NALF1: variants seen among roughly 807,000 people sequenced by gnomAD.
NALF1 encodes family with sequence similarity 155 member A.
A neutral mutation model predicts 48.4 loss-of-function variants in NALF1; 3 were observed. The observed-to-expected ratio is 0.06, with a 90% CI of 0.03 to 0.16. The LOEUF is 0.16. Among genes scored for constraint, NALF1 ranks in the 10% least tolerant of loss-of-function variants. NALF1 has a pLI of 1.00. For missense variants in NALF1, 526 were observed against 571.5 expected, an observed-to-expected ratio of 0.92 and a Z score of 0.81; for synonymous variants, 262 against 245.7, an observed-to-expected ratio of 1.07 and a Z score of -0.62.
chr13:107,424,184 C>T (rs966436967), intron 1 of NALF1, among the ~76,000 whole-genome samples: 4 of 152,192 alleles, frequency 2.6e-5, no homozygotes, highest in South Asian at 4.1e-4. Flanking sequence ...GTTGCCCAGG[C>T]TGAAGTGCAG....
intron 1 of NALF1, among the ~76,000 whole-genome samples, chr13:107,294,486 C>T (rs1306879247): frequency 6.6e-6 from 1 of 152,162 alleles, no homozygotes. Context: ...AACACTGCTA[C>T]AAACAAGAGC....
At chr13:107,827,288 C>T (rs1439936153) in intron 1 of NALF1, among the ~76,000 whole-genome samples, 1 of 152,208 alleles carries the variant, frequency 6.6e-6, no homozygotes, top group Non-Finnish European at 1.5e-5. Flanking sequence ...CTCAACTAAA[C>T]TTGCAGATTT....
chr13:107,367,197 T>C (rs1883167017), intron 1 of NALF1, among the ~76,000 whole-genome samples: 1 of 152,216 alleles, frequency 6.6e-6, no homozygotes, highest in African/African-American at 2.4e-5. Flanking sequence ...ATAACTCTTC[T>C]TACCACACAC....
chr13:107,661,946 C>A (rs1313166149), intron 1 of NALF1, among the ~76,000 whole-genome samples: 2 of 151,916 alleles, frequency 1.3e-5, no homozygotes, highest in Non-Finnish European at 2.9e-5. Flanking sequence ...AAATTTATTT[C>A]TATGGCTAAA....
intron 1 of NALF1, among the ~76,000 whole-genome samples, chr13:107,677,641 T>C (rs1046719146): frequency 7.9e-5 from 12 of 152,218 alleles, no homozygotes; most frequent in African/African-American, 2.9e-4. Flanking sequence ...TGAGAACATG[T>C]AGAGATATAA....
At chr13:107,745,076 T>C (rs1876748311) in intron 1 of NALF1, among the ~76,000 whole-genome samples, 2 of 152,208 alleles carry the variant, frequency 1.3e-5, no homozygotes, top group African/African-American at 2.4e-5. Context: ...CATGATCGAA[T>C]AGATATTCCA....
chr13:107,411,257 T>G (rs1218260033), intron 1 of NALF1, among the ~76,000 whole-genome samples: 1 of 152,012 alleles, frequency 6.6e-6, no homozygotes, highest in African/African-American at 2.4e-5. Context: ...GGGAATGCCT[T>G]GTTGTAATCC....
At chr13:107,556,139 C>T (rs185961075) in intron 1 of NALF1, among the ~76,000 whole-genome samples, 1 of 151,750 alleles carries the variant, frequency 6.6e-6, no homozygotes, top group Non-Finnish European at 1.5e-5. Flanking sequence ...GAGAACCTGA[C>T]CAATTTTATA....
intron 1 of NALF1, among the ~76,000 whole-genome samples, chr13:107,441,464 G>C (rs1444931249): frequency 1.3e-5 from 2 of 152,128 alleles, no homozygotes; most frequent in Non-Finnish European, 2.9e-5. Flanking sequence ...GAGTAATACC[G>C]AAGAAGTGTG....
chr13:107,396,266 G>T (rs1205044025), intron 1 of NALF1, among the ~76,000 whole-genome samples: 2 of 152,150 alleles, frequency 1.3e-5, no homozygotes, highest in African/African-American at 4.8e-5. Context: ...TAGTCAGATT[G>T]GGGGTAAGGG....
chr13:107,846,191 G>C (rs905684807), intron 1 of NALF1, among the ~76,000 whole-genome samples: 1 of 152,088 alleles, frequency 6.6e-6, no homozygotes, highest in Non-Finnish European at 1.5e-5. Flanking sequence ...CAAGCGTCCT[G>C]TATCACTTTT....
intron 1 of NALF1, among the ~76,000 whole-genome samples, chr13:107,350,083 G>A (rs1882845729): frequency 6.6e-6 from 1 of 152,132 alleles, no homozygotes; most frequent in Non-Finnish European, 1.5e-5. Context: ...TGATCTGACG[G>A]GAGGCAGAGC....
Position 107,397,717 on chromosome 13 carries a change from T to C in NALF1, c.916-186962A>G, listed in dbSNP as rs574878266. Among the ~76,000 whole-genome samples, 22 of 152,196 alleles carry C rather than the reference T, an allele frequency of 1.4e-4. No individual in the cohort carries two copies. In the South Asian group the frequency reaches 2.5e-3, roughly 17 times the overall value. On this transcript the variant is annotated intron_variant, in intron 1 of 2. Coordinates refer to ENST00000375915, the MANE Select transcript of NALF1 (RefSeq NM_001080396.3). The stretch of plus-strand genomic sequence containing the variant: ...CACATTTGTCAAGTAGAATAACCTA[T>C]TATAGTTTCCAACGTTATGCCCTAG...
rs556633526 is a variant in NALF1 at position 107,326,790 on chromosome 13, G to A, written c.916-116035C>T. Among the ~76,000 whole-genome samples the A allele has an allele frequency of 9.9e-5, 15 of 152,236 alleles. No individual in the cohort carries two copies. In the South Asian group the frequency reaches 3.1e-3, roughly 32 times the overall value. ...GTGCCCAGGGATAGTGTCTCCACTG[G>A]GCCTTGAGGGTGATCTTAATTAGAG... On this transcript the variant is annotated intron_variant, in intron 1 of 2. Coordinates refer to ENST00000375915, the MANE Select transcript of NALF1 (RefSeq NM_001080396.3).
At position 107,168,219 on chromosome 13, in the gene NALF1, A is replaced by T. The variant is rs1255254580; in HGVS notation, c.*2278T>A. Reference sequence around the variant, plus strand: ...GTCATCTGAATAAAATCACCCTGTGAGCTCTTCCTCAGGAATCACTTGCAG... The same window carrying T: ...GTCATCTGAATAAAATCACCCTGTGTGCTCTTCCTCAGGAATCACTTGCAG... On this transcript the variant is annotated 3_prime_UTR_variant, in exon 3 of 3. Transcript: ENST00000375915. 6.6e-6 allele frequency: 1 copy of T among 152,174 alleles called. No homozygotes were observed. Among genetic ancestry groups the T allele is most frequent in the Admixed American group, 6.6e-5 (1 of 15,250 alleles). The allele number at this position is 152,174 out of a possible 1,614,324, so 9.4% of individuals were successfully genotyped here. A position where few individuals can be genotyped will look rare whatever the true frequency, so the allele number is the denominator to read the frequency against.
In NALF1 at chr13:107,865,520, G is replaced by C. The variant is rs143553697; in HGVS notation, c.915+162C>G. The stretch of plus-strand genomic sequence containing the variant: ...CAGTCAGTCCACCAGCAATCCACCA[G>C]GTATTCTCATCTCAAACAGCAAGCC... On this transcript the variant is annotated intron_variant, in intron 1 of 2. Transcript: ENST00000375915. Among the ~76,000 whole-genome samples, 470 of 152,058 alleles carry C rather than the reference G, an allele frequency of 3.1e-3. 1 individual carries two copies. Among genetic ancestry groups the C allele is most frequent in the Non-Finnish European group, 5.6e-3 (382 of 67,996 alleles).
intron 1 of NALF1, among the ~76,000 whole-genome samples, chr13:107,572,055 A>T (rs1357001021): frequency 6.6e-6 from 1 of 152,212 alleles, no homozygotes; most frequent in East Asian, 1.9e-4. Flanking sequence ...TTTCCTATTA[A>T]TATCCTAAAA....
At chr13:107,271,820 A>ATTTATTTATTTC (rs1881182540) in intron 1 of NALF1, among the ~76,000 whole-genome samples, 1 of 138,634 alleles carries the variant, frequency 7.2e-6, no homozygotes, top group African/African-American at 2.7e-5. Context: ...ATATATATTT[A>ATTTATTTATTTC]TATATTTATA....
At chr13:107,488,088 T>C (rs1361823265) in intron 1 of NALF1, among the ~76,000 whole-genome samples, 4 of 152,070 alleles carry the variant, frequency 2.6e-5, no homozygotes, top group Admixed American at 1.3e-4. Flanking sequence ...TGATGGTTGT[T>C]TGTATTTCTG....
Sources: gnomAD v4.1 joint callset for allele counts (sites outside exome capture counted in the v4.1 genomes callset) on GRCh38, gnomAD v4.1.1 for gene constraint, MANE v1.5 for transcripts, NCBI Gene and HGNC (gene_info 2026-07-23, HGNC 2026-07-21) for gene names.